The following SEMA4B variants were observed in gnomAD, a reference collection of about 807,000 sequenced individuals.
The protein encoded by SEMA4B is semaphorin-4B.
In SEMA4B, 55 loss-of-function variants were observed where a neutral mutation model predicts 88.1. That is an observed-to-expected ratio of 0.62 (90% confidence interval 0.50 to 0.78). SEMA4B has a LOEUF of 0.78. Ranked by LOEUF, SEMA4B falls within the 30% of genes least tolerant of loss-of-function variation. The pLI, the probability that SEMA4B is intolerant of heterozygous loss-of-function variation, is 0.00. For missense variants in SEMA4B, 1,062 were observed against 1,111.9 expected (o/e 0.96, Z 0.64); for synonymous variants, 525 against 473.6 (o/e 1.11, Z -1.41).
At position 90,223,728 on chromosome 15, in the gene SEMA4B, T is replaced by C. The variant is rs765572688; in HGVS notation, c.1031T>C (p.Phe344Ser). ...DWRDTLFYGV[F>S]TSQWHRGTTE... The stretch of plus-strand genomic sequence containing the variant: ...CGTGACACCCTTTTCTATGGGGTCT[T>C]CACTTCCCAGTGGTAGGGCCTCCAG... The change falls in exon 8 of 14, where the codon TTC becomes TCC. Residue 344 changes from phenylalanine to serine, a missense_variant. Phe to Ser is a radical substitution (Grantham distance 155). Coordinates refer to ENST00000411539, the MANE Select transcript of SEMA4B (RefSeq NM_198925.4). The C allele has an allele frequency of 1.2e-6, 2 of 1,606,914 alleles. No individual in the cohort carries two copies. Among genetic ancestry groups the C allele is most frequent in the South Asian group, 2.2e-5 (2 of 90,700 alleles).
upstream of SEMA4B, chr15:90,201,297 G>C (rs1039881333): frequency 8.8e-6 from 10 of 1,136,672 alleles, no homozygotes; most frequent in African/African-American, 1.6e-5. Context: ...CCGGGCTCAC[G>C]GCCGACTTCC....
Position 90,221,701 on chromosome 15 carries a change from AGAC to A in SEMA4B, c.798_800del (p.Glu266_Thr267delinsAsp), listed in dbSNP as rs1961857117. On this transcript the variant is annotated inframe_deletion, in exon 7 of 14. Transcript: ENST00000411539. ...GACAAGATCTACTTTTTCTTCAGCG[AGAC>A]TGGCCAGGAATTTGAGTTCTTTGAG... 2 of 1,613,898 alleles carry A rather than the reference AGAC, an allele frequency of 1.2e-6. No individual in the cohort carries two copies. Among genetic ancestry groups the A allele is most frequent in the African/African-American group, 2.7e-5 (2 of 74,924 alleles).
chr15:90,225,367 C>T lies in SEMA4B; in HGVS notation c.1491C>T (p.Pro497=), dbSNP rs769604071. Residue 497 remains proline (P), a synonymous_variant, in exon 11 of 14, where the codon CCC becomes CCT. Transcript: ENST00000411539. ...TGCAGATCTTCTCATCGGGACAGCC[C>T]GTGCAGAATCTGCTCCTGGACACCC... ...EELQIFSSGQ[P]VQNLLLDTHR... 9.7e-6 allele frequency: 15 copies of T among 1,553,156 alleles called. No individual in the cohort carries two copies. Among genetic ancestry groups the T allele is most frequent in the Admixed American group, 3.9e-5 (2 of 51,266 alleles).
Position 90,229,567 on chromosome 15 carries a change from C to A in SEMA4B, c.*924C>A. On this transcript the variant is annotated 3_prime_UTR_variant, in exon 14 of 14. Transcript: ENST00000411539. ...TCTAAGGGATATCAACACTGCCCAGCACAGGGGCCCTGAATTTATGTGGTT... is the reference window on the plus strand; with the variant it reads ...TCTAAGGGATATCAACACTGCCCAGAACAGGGGCCCTGAATTTATGTGGTT... The A allele has an allele frequency of 2.9e-6, 1 of 343,426 alleles. No individual in the cohort carries two copies. 21.3% of individuals were successfully genotyped at this position (343,426 alleles called of 1,614,324 possible). A position where few individuals can be genotyped will look rare whatever the true frequency, so the allele number is the denominator to read the frequency against.
At chr15:90,211,024 T>C (rs535829661) in intron 1 of SEMA4B, among the ~76,000 whole-genome samples, 19 of 152,146 alleles carry the variant, frequency 1.2e-4, no homozygotes, top group Non-Finnish European at 2.1e-4. Context: ...GGGTGGGAAG[T>C]TGAGGTTGTT....
Position 90,223,894 on chromosome 15 carries a change from A to G in SEMA4B, c.1100A>G (p.Gln367Arg), listed in dbSNP as rs770696542. Residue 367 changes from glutamine to arginine, a missense_variant, in exon 9 of 14, where the codon CAG becomes CGG. Coordinates refer to ENST00000411539, the MANE Select transcript of SEMA4B (RefSeq NM_198925.4). ...TGTGTCTTCACAATGAAGGATGTGC[A>G]GAGAGTCTTCAGCGGCCTCTACAAG... ...AVCVFTMKDVQRVFSGLYKEV... is the reference protein window; with the variant it reads ...AVCVFTMKDVRRVFSGLYKEV... The G allele has an allele frequency of 2.4e-5, 39 of 1,613,840 alleles. No homozygotes were observed. The highest frequency in any genetic ancestry group is 3.2e-5 in the Non-Finnish European group (38 of 1,179,878).
intron 1 of SEMA4B, among the ~76,000 whole-genome samples, chr15:90,202,310 G>T (rs1049565600): frequency 9.2e-5 from 14 of 152,140 alleles, no homozygotes; most frequent in Admixed American, 7.9e-4. Context: ...AGCTCTGGGC[G>T]CTGACATTCC....
intron 1 of SEMA4B, among the ~76,000 whole-genome samples, chr15:90,195,118 T>C (rs1264492539): frequency 6.6e-6 from 1 of 152,212 alleles, no homozygotes; most frequent in South Asian, 2.1e-4. Flanking sequence ...TGTTTTTTTT[T>C]AGACAGGGTC....
upstream of SEMA4B, among the ~76,000 whole-genome samples, chr15:90,196,827 C>T (rs1207654777): frequency 6.6e-6 from 1 of 152,140 alleles, no homozygotes; most frequent in Non-Finnish European, 1.5e-5. Context: ...TAAAGAAAAG[C>T]TTCCTTTTCA....
chr15:90,196,171 G>T (rs1187637627), intron 1 of SEMA4B, among the ~76,000 whole-genome samples: 1 of 148,680 alleles, frequency 6.7e-6, no homozygotes, highest in Admixed American at 6.7e-5. Flanking sequence ...CTCGTGATCC[G>T]CCCGCCTCGG....
At chr15:90,217,656 G>A (rs909616938) in intron 2 of SEMA4B, 54 bp downstream of exon 2, 3 of 1,607,694 alleles carry the variant, frequency 1.9e-6, no homozygotes, top group Admixed American at 1.7e-5. Context: ...ACAGAGGGAA[G>A]ATGGACGGGA....
intron 1 of SEMA4B, among the ~76,000 whole-genome samples, chr15:90,206,236 C>G (rs900912804): frequency 6.6e-6 from 1 of 152,216 alleles, no homozygotes; most frequent in African/African-American, 2.4e-5. Flanking sequence ...GCGCAGGACT[C>G]AGGGGGCCTC....
upstream of SEMA4B, among the ~76,000 whole-genome samples, chr15:90,196,713 T>G (rs2151588147): frequency 6.6e-6 from 1 of 152,196 alleles, no homozygotes; most frequent in East Asian, 1.9e-4. Flanking sequence ...GGTCTCGATC[T>G]CCTGACCTCG....
intron 1 of SEMA4B, among the ~76,000 whole-genome samples, chr15:90,203,885 C>CT (rs1453455822): frequency 1.4e-4 from 21 of 152,326 alleles, no homozygotes; most frequent in African/African-American, 3.6e-4. Flanking sequence ...AGTGTAGTGG[C>CT]ACCTAGCTAC....
intron 3 of SEMA4B, among the ~76,000 whole-genome samples, chr15:90,218,658 C>CA (rs1961653583): frequency 1.3e-5 from 2 of 152,064 alleles, no homozygotes; most frequent in African/African-American, 4.8e-5. Flanking sequence ...ACTAAAAATA[C>CA]AAAAAACATT....
At position 90,220,621 on chromosome 15, in the gene SEMA4B, G is replaced by A. The variant is rs1024293505; in HGVS notation, c.484-361G>A. Among the ~76,000 whole-genome samples the A allele has an allele frequency of 1.3e-4, 19 of 151,508 alleles. 1 individual carries two copies. The South Asian group carries it at 2.1e-3, about 17-fold the overall frequency. On this transcript the variant is annotated intron_variant, in intron 4 of 13. Transcript: ENST00000411539. ...CCTGACCTCGTGATCCACCCGCCTC[G>A]GCCTCCCAGAGTGCTGGGATTACAG...
At chr15:90,213,118 A>C (rs1022833607) in intron 1 of SEMA4B, among the ~76,000 whole-genome samples, 2 of 152,196 alleles carry the variant, frequency 1.3e-5, no homozygotes, top group Non-Finnish European at 2.9e-5. Context: ...TATTATGTAT[A>C]TTATTATTTA....
chr15:90,225,273 A>G lies in SEMA4B; in HGVS notation c.1406-9A>G, dbSNP rs1171056981. 4 of 1,555,440 alleles carry G rather than the reference A, an allele frequency of 2.6e-6. 1 individual carries two copies. Among genetic ancestry groups the G allele is most frequent in the Middle Eastern group, 3.5e-4 (2 of 5,638 alleles). On this transcript the variant is annotated splice_polypyrimidine_tract_variant and intron_variant, in intron 10 of 13. Coordinates refer to ENST00000411539, the MANE Select transcript of SEMA4B (RefSeq NM_198925.4). ...TCCACCCAGGGCCTGAGTCCTGTCCACACCCCAGGTGACGGCCGGCTCCAC... is the reference window on the plus strand; with the variant it reads ...TCCACCCAGGGCCTGAGTCCTGTCCGCACCCCAGGTGACGGCCGGCTCCAC...
Position 90,217,483 on chromosome 15 carries a change from T to TC in SEMA4B, c.204dup (p.Asn69GlnfsTer27). On this transcript the variant is annotated frameshift_variant, in exon 2 of 14. Coordinates refer to ENST00000411539, the MANE Select transcript of SEMA4B (RefSeq NM_198925.4). LOFTEE classifies it high-confidence loss of function. ...CCTCAGATTCGAAGCTGAACACATC[T>TC]CCAACTACACAGCCCTTCTGCTGAG... 1.2e-6 allele frequency: 2 copies of TC among 1,613,874 alleles called. No individual in the cohort carries two copies. Among genetic ancestry groups the TC allele is most frequent in the Non-Finnish European group, 1.7e-6 (2 of 1,179,858 alleles).
Sources: gnomAD v4.1 joint callset for allele counts (sites outside exome capture counted in the v4.1 genomes callset) on GRCh38, gnomAD v4.1.1 for gene constraint, MANE v1.5 for transcripts, NCBI Gene and HGNC (gene_info 2026-07-23, HGNC 2026-07-21) for gene names.